Variants in STX7 observed in about 807,000 individuals in gnomAD.
STX7 encodes the protein syntaxin 7.
STX7 carries 34 observed loss-of-function variants against 39.6 expected under a neutral mutation model. The ratio of observed to expected loss-of-function variants is 0.86; its 90% CI spans 0.65 to 1.14. STX7 has a LOEUF of 1.14. Among genes scored for constraint, STX7 ranks in the 50% most tolerant of loss-of-function variants. The probability of loss-of-function intolerance (pLI) is 0.00; values close to 1 mark genes in which losing one functional copy is unlikely to be tolerated. For missense variants in STX7, 284 were observed against 310.4 expected, an observed-to-expected ratio of 0.92 and a Z score of 0.64; for synonymous variants, 119 against 99.1, an observed-to-expected ratio of 1.20 and a Z score of -1.19.
chr6:132,488,937 C>T (rs1039793692), intron 2 of STX7, among the ~76,000 whole-genome samples: 1 of 152,194 alleles, frequency 6.6e-6, no homozygotes, highest in South Asian at 2.1e-4. Context: ...CGCAGTGGCT[C>T]GTGCCTGTAA....
intron 2 of STX7, among the ~76,000 whole-genome samples, chr6:132,477,137 T>C (rs1774894583): frequency 1.3e-5 from 2 of 152,168 alleles, no homozygotes; most frequent in South Asian, 2.1e-4. Context: ...ATAGCAACTC[T>C]TAGCATTTGG....
chr6:132,477,253 C>CTA (rs1378337392), intron 2 of STX7, among the ~76,000 whole-genome samples: 2 of 152,030 alleles, frequency 1.3e-5, no homozygotes, highest in Non-Finnish European at 1.5e-5. Flanking sequence ...TTATAATTAG[C>CTA]TATATATTCC....
intron 9 of STX7, 101 bp downstream of exon 9, chr6:132,463,892 A>T: frequency 9.3e-7 from 1 of 1,081,038 alleles, no homozygotes; most frequent in Non-Finnish European, 1.4e-6. Context: ...TAACATCTTC[A>T]GCCATTTTAA....
rs1479247561 is a variant in STX7, at chr6:132,452,340, C to CT, written c.*8417dup. The CT allele has an allele frequency of 3.3e-5, 5 of 151,934 alleles. No individual in the cohort carries two copies. Among genetic ancestry groups the CT allele is most frequent in the African/African-American group, 4.8e-5 (2 of 41,354 alleles). 9.4% of individuals were successfully genotyped at this position (151,934 alleles called of 1,614,324 possible). A position where few individuals can be genotyped will look rare whatever the true frequency, so the allele number is the denominator to read the frequency against. On this transcript the variant is annotated 3_prime_UTR_variant, in exon 10 of 10. Transcript: ENST00000367941. ...AAGACCAGAAACAAGCCAAGGATCT[C>CT]TACTCTCACTGCTTTTATTTCTGCT...
chr6:132,483,648 G>C (rs1775063095), intron 2 of STX7, among the ~76,000 whole-genome samples: 1 of 152,096 alleles, frequency 6.6e-6, no homozygotes, highest in South Asian at 2.1e-4. Context: ...CAAAAATATT[G>C]TTAGCACTCT....
chr6:132,488,144 A>G (rs1352585096), intron 2 of STX7, among the ~76,000 whole-genome samples: 1 of 152,166 alleles, frequency 6.6e-6, no homozygotes, highest in Non-Finnish European at 1.5e-5. Flanking sequence ...TCTTTGATCC[A>G]TAGCTTATTT....
At chr6:132,489,348 A>C (rs527333580) in intron 2 of STX7, among the ~76,000 whole-genome samples, 1 of 152,186 alleles carries the variant, frequency 6.6e-6, no homozygotes, top group African/African-American at 2.4e-5. Flanking sequence ...TATAGGGTAC[A>C]ATGTGTAGAG....
intron 2 of STX7, among the ~76,000 whole-genome samples, chr6:132,480,607 T>C (rs1367691423): frequency 1.3e-5 from 2 of 152,182 alleles, no homozygotes; most frequent in South Asian, 2.1e-4. Flanking sequence ...GGTACGCTCA[T>C]ACACAAGTAA....
intron 1 of STX7, among the ~76,000 whole-genome samples, chr6:132,506,081 A>T (rs1582686417): frequency 6.8e-6 from 1 of 147,346 alleles, no homozygotes. Flanking sequence ...GTCAACATAT[A>T]AAAAAAAAAA....
chr6:132,483,586 A>G (rs964334436), intron 2 of STX7, among the ~76,000 whole-genome samples: 1 of 152,210 alleles, frequency 6.6e-6, no homozygotes, highest in Non-Finnish European at 1.5e-5. Context: ...TAATTTAGAA[A>G]CAAAACACTT....
intron 8 of STX7, among the ~76,000 whole-genome samples, chr6:132,466,972 G>GAACT (rs1332604291): frequency 4.6e-5 from 7 of 152,104 alleles, no homozygotes; most frequent in Non-Finnish European, 1.0e-4. Flanking sequence ...TGAAATCCAT[G>GAACT]AACTTCTCAC....
intron 2 of STX7, among the ~76,000 whole-genome samples, chr6:132,479,314 T>C (rs767952116): frequency 1.3e-5 from 2 of 152,218 alleles, no homozygotes; most frequent in African/African-American, 2.4e-5. Context: ...TTGGCTTTAA[T>C]GACCCAGCTG....
intron 2 of STX7, among the ~76,000 whole-genome samples, chr6:132,477,233 T>TATGTTA (rs1218204606): frequency 1.3e-5 from 2 of 152,134 alleles, no homozygotes; most frequent in Non-Finnish European, 2.9e-5. Context: ...CGTGTTTAAC[T>TATGTTA]TATGGCTGCT....
At chr6:132,474,722 G>A (rs148351193) in intron 3 of STX7, among the ~76,000 whole-genome samples, 1 of 152,170 alleles carries the variant, frequency 6.6e-6, no homozygotes, top group East Asian at 1.9e-4. Flanking sequence ...AATTCTGTAA[G>A]GTTTAAATGA....
chr6:132,480,850 G>C (rs533899086), intron 2 of STX7, among the ~76,000 whole-genome samples: 7 of 152,298 alleles, frequency 4.6e-5, no homozygotes, highest in Admixed American at 1.3e-4. Context: ...CTTAGCACCT[G>C]CCAGTATTCT....
intron 4 of STX7, 63 bp from the exon 5 acceptor site, chr6:132,471,663 T>C: frequency 6.3e-7 from 1 of 1,583,904 alleles, no homozygotes; most frequent in Non-Finnish European, 8.6e-7. Flanking sequence ...GAATTTGCGG[T>C]AGTTGGCTCT....
At chr6:132,508,065 T>A (rs1033811787) in intron 1 of STX7, among the ~76,000 whole-genome samples, 2 of 152,214 alleles carry the variant, frequency 1.3e-5, no homozygotes, top group African/African-American at 4.8e-5. Context: ...AGAATCAAAA[T>A]GAGATAATGC....
Position 132,472,390 on chromosome 6 carries a change from C to T in STX7, c.156-15G>A, listed in dbSNP as rs1774749211. 1 of 1,593,488 alleles carries T rather than the reference C, an allele frequency of 6.3e-7. No individual in the cohort carries two copies. The highest frequency in any genetic ancestry group is 8.6e-7 in the Non-Finnish European group (1 of 1,166,298). On this transcript the variant is annotated splice_polypyrimidine_tract_variant and intron_variant, in intron 3 of 9. Transcript: ENST00000367941. ...GCTTCTGTTGCCTAAAGTGAGAAAA[C>T]ACGCATTACAGCCAAAGGACTAATA...
intron 2 of STX7, among the ~76,000 whole-genome samples, chr6:132,491,949 C>T (rs2114443836): frequency 6.6e-6 from 1 of 152,232 alleles, no homozygotes; most frequent in African/African-American, 2.4e-5. Context: ...ATATCTTAAG[C>T]CCCTCTCTCC....
Sources: allele counts gnomAD v4.1 joint callset (sites outside exome capture counted in the v4.1 genomes callset), GRCh38; gene constraint gnomAD v4.1.1; transcripts MANE v1.5; gene names NCBI Gene and HGNC (gene_info 2026-07-23, HGNC 2026-07-21).